CFL2: variants seen among roughly 807,000 people sequenced by gnomAD.
CFL2 encodes cofilin-2.
Under a neutral mutation model 19.6 loss-of-function variants are expected in CFL2, and 10 were observed. The observed-to-expected ratio is 0.51, with a 90% CI of 0.31 to 0.86. The LOEUF (loss-of-function observed/expected upper bound fraction) is 0.86, where lower values mean the gene tolerates loss of function less well. CFL2 is among the 40% of genes least tolerant of loss of function. CFL2 has a pLI of 0.04. For synonymous variants in CFL2, 63 were observed against 66.7 expected, an observed-to-expected ratio of 0.95 and a Z score of 0.27; for missense variants, 125 against 192.1, an observed-to-expected ratio of 0.65 and a Z score of 2.06.
rs769038134 is a variant in CFL2, at chr14:34,711,481, C to A, written c.*1384G>T. ...ATGTTTAAGACTGCTATTATCAATTCCTATTCCAATTCAATTTGCAAAATA... is the reference window on the plus strand; with the variant it reads ...ATGTTTAAGACTGCTATTATCAATTACTATTCCAATTCAATTTGCAAAATA... On this transcript the variant is annotated 3_prime_UTR_variant, in exon 4 of 4. Transcript: ENST00000298159. 9 of 454,526 alleles carry A rather than the reference C, an allele frequency of 2.0e-5. No individual in the cohort carries two copies. Among genetic ancestry groups the A allele is most frequent in the South Asian group, 1.4e-4 (9 of 64,474 alleles). 28.2% of individuals were successfully genotyped at this position (454,526 alleles called of 1,614,324 possible).
In CFL2 at chr14:34,710,710, T is replaced by A. The variant is rs1462354453; in HGVS notation, c.*2155A>T. On this transcript the variant is annotated 3_prime_UTR_variant, in exon 4 of 4. Transcript: ENST00000298159. ...AAAGATGAACTTAATTATATTAGTA[T>A]CAGTTTTGTCAATCTAGCAAATCAA... is the stretch of plus-strand genomic sequence containing the variant. 4.4e-6 allele frequency: 2 copies of A among 451,986 alleles called. No homozygotes were observed. 28.0% of individuals were successfully genotyped at this position (451,986 alleles called of 1,614,324 possible). A position where few individuals can be genotyped will look rare whatever the true frequency, so the allele number is the denominator to read the frequency against.
chr14:34,711,615 A>G lies in CFL2; in HGVS notation c.*1250T>C, dbSNP rs1423711522. The stretch of plus-strand genomic sequence containing the variant: ...TCATTACGACCAAATAAGCAATAAG[A>G]GCTTCCTGCTTCTACTATACAACTA... On this transcript the variant is annotated 3_prime_UTR_variant, in exon 4 of 4. Coordinates refer to ENST00000298159, the MANE Select transcript of CFL2 (RefSeq NM_138638.5). 2.2e-6 allele frequency: 1 copy of G among 452,790 alleles called. No homozygotes were observed. Among genetic ancestry groups the G allele is most frequent in the South Asian group, 1.6e-5 (1 of 64,186 alleles). The allele number at this position is 452,790 out of a possible 1,614,324, so 28.0% of individuals were successfully genotyped here.
At position 34,713,396 on chromosome 14, in the gene CFL2, C is replaced by G; in HGVS notation, c.169G>C (p.Val57Leu). ...IIVEEAKQIL[V>L]GDIGDTVEDP... Reference sequence around the variant, plus strand: ...TCTACAGTATCACCAATGTCACCCACCAAGATCTGCTTTGCTTCCTCTACA... The same window carrying G: ...TCTACAGTATCACCAATGTCACCCAGCAAGATCTGCTTTGCTTCCTCTACA... Residue 57 changes from valine (V) to leucine (L), a missense_variant, in exon 2 of 4, where the codon GTG (valine) becomes CTG (leucine). Physicochemically the swap from Val to Leu is conservative, Grantham distance 32. Transcript: ENST00000298159. The G allele has an allele frequency of 6.2e-7, 1 of 1,614,110 alleles. No individual in the cohort carries two copies. The highest frequency in any genetic ancestry group is 8.5e-7 in the Non-Finnish European group (1 of 1,180,020).
In CFL2 at chr14:34,710,596, C is replaced by T. The variant is rs1240152205; in HGVS notation, c.*2269G>A. ...ATAAATGATTGTAAAATAAAATGATCATTTCAAATGCCAAATTAATCTCAA... is the reference window on the plus strand; with the variant it reads ...ATAAATGATTGTAAAATAAAATGATTATTTCAAATGCCAAATTAATCTCAA... On this transcript the variant is annotated 3_prime_UTR_variant, in exon 4 of 4. Coordinates refer to ENST00000298159, the MANE Select transcript of CFL2 (RefSeq NM_138638.5). 1 of 432,696 alleles carries T rather than the reference C, an allele frequency of 2.3e-6. No individual in the cohort carries two copies. The allele number at this position is 432,696 out of a possible 1,614,324, so 26.8% of individuals were successfully genotyped here. A position where few individuals can be genotyped will look rare whatever the true frequency, so the allele number is the denominator to read the frequency against.
At chr14:34,713,772 G>C in intron 1 of CFL2, 1 of 1,610,936 alleles carries the variant, frequency 6.2e-7, no homozygotes, top group Non-Finnish European at 8.5e-7. Context: ...TTCTTAAAGG[G>C]GTTTGGACGT....
intron 1 of CFL2, 149 bp downstream of exon 1, chr14:34,714,389 G>C: frequency 7.7e-7 from 1 of 1,301,716 alleles, no homozygotes; most frequent in East Asian, 3.1e-5. Flanking sequence ...CGGAGGGCAG[G>C]CCGGTCGGCT....
At position 34,713,391 on chromosome 14, in the gene CFL2, AC is replaced by A; in HGVS notation, c.173del (p.Gly58ValfsTer7). The A allele has an allele frequency of 6.2e-7, 1 of 1,614,064 alleles. No individual in the cohort carries two copies. The highest frequency in any genetic ancestry group is 8.5e-7 in the Non-Finnish European group (1 of 1,180,012). On this transcript the variant is annotated frameshift_variant, in exon 2 of 4. Transcript: ENST00000298159. LOFTEE classifies it high-confidence loss of function. ...GGTCCTCTACAGTATCACCAATGTC[AC>A]CCACCAAGATCTGCTTTGCTTCCTC... The part of the protein sequence containing the change: ...IVEEAKQILV[G>X]DIGDTVEDPY...
Position 34,714,585 on chromosome 14 carries a change from T to C in CFL2, c.-45A>G. On this transcript the variant is annotated 5_prime_UTR_variant, in exon 1 of 4. Coordinates refer to ENST00000298159, the MANE Select transcript of CFL2 (RefSeq NM_138638.5). ...GCGGCGGCAGCTCGGGCTTCGGCTCTGTGGCACTGGGAGGAGAAGGAGGGG... is the reference window on the plus strand; with the variant it reads ...GCGGCGGCAGCTCGGGCTTCGGCTCCGTGGCACTGGGAGGAGAAGGAGGGG... 1.3e-6 allele frequency: 2 copies of C among 1,506,284 alleles called. No individual in the cohort carries two copies. Among genetic ancestry groups the C allele is most frequent in the South Asian group, 1.2e-5 (1 of 85,924 alleles). 93.3% of individuals were successfully genotyped at this position (1,506,284 alleles called of 1,614,324 possible). A position where few individuals can be genotyped will look rare whatever the true frequency, so the allele number is the denominator to read the frequency against.
chr14:34,712,663 T>C lies in CFL2; in HGVS notation c.*202A>G, dbSNP rs973976338. The C allele has an allele frequency of 3.0e-6, 2 of 676,758 alleles. No homozygotes were observed. Among genetic ancestry groups the C allele is most frequent in the Non-Finnish European group, 5.4e-6 (2 of 369,832 alleles). 41.9% of individuals were successfully genotyped at this position (676,758 alleles called of 1,614,324 possible). A position where few individuals can be genotyped will look rare whatever the true frequency, so the allele number is the denominator to read the frequency against. On this transcript the variant is annotated 3_prime_UTR_variant, in exon 4 of 4. Transcript: ENST00000298159. ...ACAGGAAGGCATTCCTTGGGTTCTA[T>C]ATAAAAGTAACAGTATTCAACAGTC...
In CFL2 at chr14:34,712,874, T is replaced by C. The variant is rs766364990; in HGVS notation, c.492A>G (p.Lys164=). 20 of 1,540,704 alleles carry C rather than the reference T, an allele frequency of 1.3e-5. No homozygotes were observed. Among genetic ancestry groups the C allele is most frequent in the Admixed American group, 3.3e-5 (2 of 59,920 alleles). The change falls in exon 4 of 4, where the codon AAA becomes AAG. Residue 164 remains lysine (K), a synonymous_variant. Transcript: ENST00000298159. ...GCACTTGACTGTCATTTTATAATGG[T>C]TTTCCTTCAAGTGAAACTACTACAT... is the stretch of plus-strand genomic sequence containing the variant. ...GGNVVVSLEG[K]PL
At position 34,713,495 on chromosome 14, in the gene CFL2, A is replaced by T. The variant is rs1221682329; in HGVS notation, c.70T>A (p.Ser24Thr). The T allele has an allele frequency of 6.2e-7, 1 of 1,613,804 alleles. No individual in the cohort carries two copies. The highest frequency in any genetic ancestry group is 8.5e-7 in the Non-Finnish European group (1 of 1,179,848). The change falls in exon 2 of 4, where the codon TCT becomes ACT. Residue 24 changes from serine (S) to threonine (T), a missense_variant. Coordinates refer to ENST00000298159, the MANE Select transcript of CFL2 (RefSeq NM_138638.5). ...VFNDMKVRKSSTQEEIKKRKK... is the reference protein window; with the variant it reads ...VFNDMKVRKSTTQEEIKKRKK... ...CTCTTTTTGATCTCCTCTTGTGTAGAAGATTTCCTTACTTTCATATCATTA... is the reference window on the plus strand; with the variant it reads ...CTCTTTTTGATCTCCTCTTGTGTAGTAGATTTCCTTACTTTCATATCATTA...
chr14:34,709,587 C>T lies in CFL2; in HGVS notation c.*3278G>A, dbSNP rs1466429947. The T allele has an allele frequency of 8.1e-6, 1 of 124,136 alleles. No individual in the cohort carries two copies. Among genetic ancestry groups the T allele is most frequent in the Non-Finnish European group, 1.6e-5 (1 of 61,390 alleles). The allele number at this position is 124,136 out of a possible 1,614,324, so 7.7% of individuals were successfully genotyped here. ...CCCAGGAGTTGGAGATCAGCCTAGG[C>T]AACATGGCCAAACTCAGTCTCTACA... On this transcript the variant is annotated 3_prime_UTR_variant, in exon 4 of 4. Transcript: ENST00000298159.
rs1348203708 is a variant in CFL2 at position 34,712,789 on chromosome 14, A to T, written c.*76T>A. On this transcript the variant is annotated 3_prime_UTR_variant, in exon 4 of 4. Transcript: ENST00000298159. Reference sequence around the variant, plus strand: ...AGGGGGAAATACAACAAAAAACCAAAACCTAATACTATTCCAATGGACTGA... The same window carrying T: ...AGGGGGAAATACAACAAAAAACCAATACCTAATACTATTCCAATGGACTGA... The T allele has an allele frequency of 1.1e-6, 1 of 881,874 alleles. No individual in the cohort carries two copies. The highest frequency in any genetic ancestry group is 2.0e-6 in the Non-Finnish European group (1 of 511,810). 54.6% of individuals were successfully genotyped at this position (881,874 alleles called of 1,614,324 possible). A position where few individuals can be genotyped will look rare whatever the true frequency, so the allele number is the denominator to read the frequency against.
chr14:34,714,577 T>C lies in CFL2; in HGVS notation c.-37A>G, dbSNP rs1297998003. The C allele has an allele frequency of 6.4e-7, 1 of 1,551,376 alleles. No individual in the cohort carries two copies. ...CTGTGGCTGCGGCGGCAGCTCGGGCTTCGGCTCTGTGGCACTGGGAGGAGA... is the reference window on the plus strand; with the variant it reads ...CTGTGGCTGCGGCGGCAGCTCGGGCCTCGGCTCTGTGGCACTGGGAGGAGA... On this transcript the variant is annotated 5_prime_UTR_variant, in exon 1 of 4. Coordinates refer to ENST00000298159, the MANE Select transcript of CFL2 (RefSeq NM_138638.5).
chr14:34,714,104 T>A (rs183829639), intron 1 of CFL2: 148 of 371,662 alleles, frequency 4.0e-4, no homozygotes, highest in African/African-American at 2.8e-3. Flanking sequence ...GAAAGCATTT[T>A]AAAAAGTGTT....
rs577806549 is a variant in CFL2, at chr14:34,709,172, ATAGTT to A, written c.*3688_*3692del. The A allele has an allele frequency of 1.1e-4, 17 of 152,276 alleles. No individual in the cohort carries two copies. The East Asian group carries it at 1.2e-3, about 10-fold the overall frequency. The allele number at this position is 152,276 out of a possible 1,614,324, so 9.4% of individuals were successfully genotyped here. A position where few individuals can be genotyped will look rare whatever the true frequency, so the allele number is the denominator to read the frequency against. On this transcript the variant is annotated 3_prime_UTR_variant, in exon 4 of 4. Transcript: ENST00000298159. ...ACTTACATACAGTAATTAAGAATGAATAGTTTAAACAGATTATTGCATTTACATAG... is the reference window on the plus strand; with the variant it reads ...ACTTACATACAGTAATTAAGAATGAATAAACAGATTATTGCATTTACATAG...
At chr14:34,714,109 A>T (rs901118445) in intron 1 of CFL2, 1 of 371,718 alleles carries the variant, frequency 2.7e-6, no homozygotes, top group Non-Finnish European at 4.9e-6. Flanking sequence ...CATTTTAAAA[A>T]GTGTTTTCCC....
In CFL2 at chr14:34,709,344, A is replaced by G. The variant is rs1885210418; in HGVS notation, c.*3521T>C. The G allele has an allele frequency of 6.6e-6, 1 of 152,144 alleles. No individual in the cohort carries two copies. Among genetic ancestry groups the G allele is most frequent in the African/African-American group, 2.4e-5 (1 of 41,442 alleles). The allele number at this position is 152,144 out of a possible 1,614,324, so 9.4% of individuals were successfully genotyped here. On this transcript the variant is annotated 3_prime_UTR_variant, in exon 4 of 4. Coordinates refer to ENST00000298159, the MANE Select transcript of CFL2 (RefSeq NM_138638.5). ...AAATTGCATTATGAGAGGAAATTTA[A>G]GTGGAGGGATGATTCCTCTACTTCT...
chr14:34,713,790 A>C, intron 1 of CFL2: 1 of 1,605,900 alleles, frequency 6.2e-7, no homozygotes, highest in Non-Finnish European at 8.5e-7. Context: ...CGTGGAAGCG[A>C]AAGGGACAAA....
Sources: gnomAD v4.1 joint callset for allele counts on GRCh38, gnomAD v4.1.1 for gene constraint, MANE v1.5 for transcripts, NCBI Gene and HGNC (gene_info 2026-07-23, HGNC 2026-07-21) for gene names.